TTBK2: variants seen among roughly 807,000 people sequenced by gnomAD.
TTBK2 encodes the protein tau tubulin kinase 2.
In TTBK2, 28 loss-of-function variants were observed where a neutral mutation model predicts 110.8. That is an observed-to-expected ratio of 0.25 (90% CI 0.19 to 0.35). The LOEUF is 0.35. TTBK2 is among the 10% of genes least tolerant of loss of function. The pLI is 1.00. For missense variants in TTBK2, 1,369 were observed against 1,500.3 expected (o/e 0.91, Z 1.45); for synonymous variants, 532 against 527.3 (o/e 1.01, Z -0.12).
chr15:42,794,675 A>G lies in TTBK2; in HGVS notation c.949T>C (p.Leu317=). Residue 317 remains leucine (L), a synonymous_variant, in exon 10 of 15, where the codon TTG becomes CTG. Transcript: ENST00000267890. ...GCAGCAGGGGTCAAGCGAGTGTGCA[A>G]CTGAGGGGTGGTAGAAGTAGTGGTG... is the stretch of plus-strand genomic sequence containing the variant. ...TTTTTSTTPQ[L]HTRLTPAAIG... The G allele has an allele frequency of 6.2e-7, 1 of 1,614,156 alleles. No homozygotes were observed. The highest frequency in any genetic ancestry group is 1.1e-5 in the South Asian group (1 of 91,082).
intron 1 of TTBK2, among the ~76,000 whole-genome samples, chr15:42,912,078 G>A (rs1048232734): frequency 2.0e-5 from 3 of 152,154 alleles, no homozygotes; most frequent in Non-Finnish European, 4.4e-5. Context: ...CCCATGGGCC[G>A]CTGGTTGCAC....
intron 13 of TTBK2, among the ~76,000 whole-genome samples, chr15:42,762,338 C>T (rs1441937836): frequency 6.6e-6 from 1 of 152,222 alleles, no homozygotes; most frequent in Non-Finnish European, 1.5e-5. Context: ...GATATCTGCA[C>T]ACTCACGTTT....
chr15:42,774,820 TAGGAACTTCA>T (rs914418164), intron 13 of TTBK2, among the ~76,000 whole-genome samples: 1 of 152,236 alleles, frequency 6.6e-6, no homozygotes, highest in Admixed American at 6.5e-5. Flanking sequence ...TAAAAATTGC[TAGGAACTTCA>T]AAAAATTGTA....
At chr15:42,778,705 G>C (rs1329224936) in intron 11 of TTBK2, among the ~76,000 whole-genome samples, 1 of 151,648 alleles carries the variant, frequency 6.6e-6, no homozygotes, top group Admixed American at 6.6e-5. Context: ...AACAAACCCA[G>C]CAAGATAAGA....
chr15:42,812,440 T>A (rs935801654), intron 7 of TTBK2, among the ~76,000 whole-genome samples: 1 of 152,126 alleles, frequency 6.6e-6, no homozygotes, highest in Non-Finnish European at 1.5e-5. Flanking sequence ...ACCCATGTGG[T>A]CTGAAAAACC....
chr15:42,847,769 G>C (rs1227736818), intron 3 of TTBK2, among the ~76,000 whole-genome samples: 1 of 152,132 alleles, frequency 6.6e-6, no homozygotes, highest in African/African-American at 2.4e-5. Context: ...TATTCCACTT[G>C]ATCTATATGT....
At chr15:42,778,078 C>T (rs1278378734) in intron 11 of TTBK2, among the ~76,000 whole-genome samples, 1 of 150,810 alleles carries the variant, frequency 6.6e-6, no homozygotes, top group Non-Finnish European at 1.5e-5. Context: ...ATTGACACAA[C>T]AGAAATAATA....
At chr15:42,824,874 G>A (rs1209916989) in intron 6 of TTBK2, among the ~76,000 whole-genome samples, 2 of 151,530 alleles carry the variant, frequency 1.3e-5, no homozygotes, top group African/African-American at 4.9e-5. Flanking sequence ...AAATAGAAAT[G>A]AAAAATAATA....
intron 1 of TTBK2, among the ~76,000 whole-genome samples, chr15:42,899,363 G>C (rs1283715900): frequency 6.6e-6 from 1 of 151,846 alleles, no homozygotes; most frequent in Non-Finnish European, 1.5e-5. Context: ...TTGGAAACCG[G>C]GGTAGGCGGA....
chr15:42,870,507 T>C (rs1894573194), intron 3 of TTBK2, among the ~76,000 whole-genome samples: 2 of 152,030 alleles, frequency 1.3e-5, no homozygotes, highest in South Asian at 4.2e-4. Context: ...AATTGGTCTA[T>C]TAAAAGGAAC....
chr15:42,762,927 G>A (rs966354280), intron 13 of TTBK2, among the ~76,000 whole-genome samples: 57 of 150,244 alleles, frequency 3.8e-4, no homozygotes, highest in African/African-American at 1.3e-3. Context: ...TTGATTTTAC[G>A]TAAGTAAAAA....
chr15:42,864,323 G>A (rs1442884219), intron 3 of TTBK2, among the ~76,000 whole-genome samples: 3 of 152,250 alleles, frequency 2.0e-5, no homozygotes, highest in Middle Eastern at 3.4e-3. Flanking sequence ...GGTGGCTAAC[G>A]CCTATAATCC....
intron 1 of TTBK2, among the ~76,000 whole-genome samples, chr15:42,914,568 A>C (rs544170261): frequency 6.6e-6 from 1 of 152,290 alleles, no homozygotes; most frequent in African/African-American, 2.4e-5. Flanking sequence ...GGAGAATCCA[A>C]AGTAGAAACC....
At chr15:42,804,194 C>T (rs530135645) in intron 9 of TTBK2, among the ~76,000 whole-genome samples, 6 of 151,934 alleles carry the variant, frequency 3.9e-5, no homozygotes, top group East Asian at 3.9e-4. Flanking sequence ...CCTGTGATCC[C>T]GGCACTTTGG....
chr15:42,918,304 C>A (rs1010071916), intron 1 of TTBK2, among the ~76,000 whole-genome samples: 2 of 151,754 alleles, frequency 1.3e-5, no homozygotes, highest in African/African-American at 4.8e-5. Flanking sequence ...TGGGCTCAAG[C>A]GATCCTCCTG....
At chr15:42,911,675 C>T (rs558292498) in intron 1 of TTBK2, among the ~76,000 whole-genome samples, 59 of 152,290 alleles carry the variant, frequency 3.9e-4, no homozygotes, top group South Asian at 2.5e-3. Flanking sequence ...AAGTACTATT[C>T]AGCTGAGCCT....
At chr15:42,763,143 CATAT>C (rs1225785018) in intron 13 of TTBK2, among the ~76,000 whole-genome samples, 3 of 51,152 alleles carry the variant, frequency 5.9e-5, no homozygotes, top group Admixed American at 3.2e-4. Context: ...TATATACATA[CATAT>C]ATATATATAC....
intron 1 of TTBK2, among the ~76,000 whole-genome samples, chr15:42,907,347 G>T (rs561061987): frequency 6.6e-6 from 1 of 152,192 alleles, no homozygotes; most frequent in South Asian, 2.1e-4. Context: ...CAAAAGAAAG[G>T]AAATCAATAT....
intron 1 of TTBK2, among the ~76,000 whole-genome samples, chr15:42,894,524 G>A (rs1895589553): frequency 1.3e-5 from 2 of 152,080 alleles, no homozygotes; most frequent in African/African-American, 4.8e-5. Flanking sequence ...GGCGAAGGCG[G>A]GTGGATTTCT....
Sources: gnomAD v4.1 joint callset for allele counts (sites outside exome capture counted in the v4.1 genomes callset) on GRCh38, gnomAD v4.1.1 for gene constraint, MANE v1.5 for transcripts, NCBI Gene and HGNC (gene_info 2026-07-23, HGNC 2026-07-21) for gene names.